Variants in ZNF704 observed in about 807,000 individuals in gnomAD.
ZNF704 encodes the protein glucocorticoid induced gene 1.
Under a neutral mutation model 44.7 loss-of-function variants are expected in ZNF704, and 10 were observed. The observed-to-expected ratio is 0.22, with a 90% CI of 0.14 to 0.38. The LOEUF is 0.38. ZNF704 is among the 10% of genes least tolerant of loss of function. The pLI is 1.00. For missense variants in ZNF704, 390 were observed against 545.5 expected (o/e 0.71, Z 2.84); for synonymous variants, 211 against 207.6 (o/e 1.02, Z -0.14).
chr8:80,882,189 G>T, the ZNF704 span, among the ~76,000 whole-genome samples: 8 of 152,198 alleles, frequency 5.3e-5, no homozygotes, highest in Non-Finnish European at 1.0e-4. Flanking sequence ...TGATACGTTT[G>T]ACTAGACGGC....
chr8:80,652,969 C>T (rs1817947643), intron 7 of ZNF704, among the ~76,000 whole-genome samples: 1 of 152,176 alleles, frequency 6.6e-6, no homozygotes, highest in South Asian at 2.1e-4. Flanking sequence ...GCTTATCCAC[C>T]ATGATCAAGT....
At chr8:80,861,979 G>GA (rs1403760430) in intron 1 of ZNF704, among the ~76,000 whole-genome samples, 2 of 98,320 alleles carry the variant, frequency 2.0e-5, no homozygotes, top group Non-Finnish European at 2.1e-5. Flanking sequence ...GAACAAGATA[G>GA]AAAAAAATAA....
chr8:80,813,542 C>A (rs1808124773), intron 2 of ZNF704, among the ~76,000 whole-genome samples: 1 of 152,070 alleles, frequency 6.6e-6, no homozygotes, highest in South Asian at 2.1e-4. Flanking sequence ...ACTACATGGG[C>A]CAAATTTGTG....
At position 80,636,620 on chromosome 8, in the gene ZNF704, T is replaced by A. The variant is rs367653140; in HGVS notation, c.*4746A>T. The A allele has an allele frequency of 2.2e-4, 33 of 152,366 alleles. No homozygotes were observed. Among genetic ancestry groups the A allele is most frequent in the African/African-American group, 7.9e-4 (33 of 41,594 alleles). 9.4% of individuals were successfully genotyped at this position (152,366 alleles called of 1,614,324 possible). ...AGGTATGAGGAACAGGAACAGTCCG[T>A]GCCGCTGGTAGGGCTACTTTCTTAG... is the stretch of plus-strand genomic sequence containing the variant. On this transcript the variant is annotated 3_prime_UTR_variant, in exon 9 of 9. Transcript: ENST00000327835.
chr8:80,716,119 T>C (rs73693870), intron 2 of ZNF704, among the ~76,000 whole-genome samples: 11,253 of 151,596 alleles, frequency 0.074, 1,399 homozygotes, highest in African/African-American at 0.26. Context: ...GATTTAGAGA[T>C]GAACAGATGG....
intron 2 of ZNF704, among the ~76,000 whole-genome samples, chr8:80,718,055 C>A (rs1278206573): frequency 1.3e-5 from 2 of 152,204 alleles, no homozygotes; most frequent in Non-Finnish European, 2.9e-5. Flanking sequence ...GTGCCTTCCT[C>A]GTTTTTGTCT....
intron 7 of ZNF704, among the ~76,000 whole-genome samples, chr8:80,653,023 T>C (rs1249520055): frequency 6.6e-6 from 1 of 152,048 alleles, no homozygotes; most frequent in Admixed American, 6.6e-5. Flanking sequence ...CATACACAAA[T>C]CAATAAACGT....
At chr8:80,793,396 A>C (rs1252578518) in intron 2 of ZNF704, among the ~76,000 whole-genome samples, 3 of 152,326 alleles carry the variant, frequency 2.0e-5, no homozygotes, top group African/African-American at 7.2e-5. Flanking sequence ...AAACCCCAAA[A>C]AAGTGGCACA....
At chr8:80,761,744 G>C (rs1207965247) in intron 2 of ZNF704, among the ~76,000 whole-genome samples, 1 of 152,140 alleles carries the variant, frequency 6.6e-6, no homozygotes, top group African/African-American at 2.4e-5. Flanking sequence ...TACTAACAAT[G>C]GTCACATGGG....
At chr8:80,711,419 G>A (rs1818983999) in intron 2 of ZNF704, among the ~76,000 whole-genome samples, 1 of 152,060 alleles carries the variant, frequency 6.6e-6, no homozygotes, top group African/African-American at 2.4e-5. Context: ...GGAGGTCAGG[G>A]GTAAACTCTG....
Position 80,659,571 on chromosome 8 carries a change from G to A in ZNF704, c.1032+14C>T, listed in dbSNP as rs751135837. The A allele has an allele frequency of 6.8e-6, 11 of 1,612,492 alleles. No homozygotes were observed. Among genetic ancestry groups the A allele is most frequent in the East Asian group, 4.5e-5 (2 of 44,838 alleles). ...CTTTGACCAGATTTTTGGCTTTTTC[G>A]TTTTTCTACTTACTGGGATGCCTGT... On this transcript the variant is annotated intron_variant, in intron 7 of 8. Transcript: ENST00000327835.
rs1454574638 is a variant in ZNF704, at chr8:80,629,681, A to C, written c.*11685T>G. 2 of 152,242 alleles carry C rather than the reference A, an allele frequency of 1.3e-5. No individual in the cohort carries two copies. Among genetic ancestry groups the C allele is most frequent in the East Asian group, 3.8e-4 (2 of 5,202 alleles). 9.4% of individuals were successfully genotyped at this position (152,242 alleles called of 1,614,324 possible). The stretch of plus-strand genomic sequence containing the variant: ...TTCCAAAATATAAGTAATTTTGAAA[A>C]AAGATCAATGATTTGCTTTGCTGGA... On this transcript the variant is annotated 3_prime_UTR_variant, in exon 9 of 9. Coordinates refer to ENST00000327835, the MANE Select transcript of ZNF704 (RefSeq NM_001033723.3).
chr8:80,855,505 A>G (rs1390161181), intron 1 of ZNF704, among the ~76,000 whole-genome samples: 2 of 152,156 alleles, frequency 1.3e-5, no homozygotes, highest in Non-Finnish European at 2.9e-5. Context: ...ATCATAAGTG[A>G]AACAGGTCAG....
At chr8:80,733,762 C>CT (rs886820334) in intron 2 of ZNF704, among the ~76,000 whole-genome samples, 11 of 152,204 alleles carry the variant, frequency 7.2e-5, no homozygotes, top group African/African-American at 2.7e-4. Context: ...ATTCACCTCT[C>CT]TATTTCTTAC....
intron 2 of ZNF704, among the ~76,000 whole-genome samples, chr8:80,734,823 G>C (rs797008202): frequency 6.6e-6 from 1 of 152,254 alleles, no homozygotes; most frequent in African/African-American, 2.4e-5. Context: ...TCTATTTATG[G>C]CTGTCTGCCA....
Position 80,799,516 on chromosome 8 carries a change from G to A in ZNF704, c.221+21858C>T, listed in dbSNP as rs77733269. Among the ~76,000 whole-genome samples the A allele has an allele frequency of 1.5e-4, 23 of 152,232 alleles. No individual in the cohort carries two copies. In the East Asian group the frequency reaches 3.9e-3, roughly 26 times the overall value. On this transcript the variant is annotated intron_variant, in intron 2 of 8. Transcript: ENST00000327835. ...GGTACCTCCAGGTACAGGAAAAACTGAGGCAGCTAGGGTTTGGAGCAGACC... is the reference window on the plus strand; with the variant it reads ...GGTACCTCCAGGTACAGGAAAAACTAAGGCAGCTAGGGTTTGGAGCAGACC...
intron 4 of ZNF704, among the ~76,000 whole-genome samples, chr8:80,686,368 T>C (rs1482280115): frequency 6.6e-6 from 1 of 152,182 alleles, no homozygotes; most frequent in East Asian, 1.9e-4. Context: ...AGATGTCTTT[T>C]TTTTCTTCTA....
chr8:80,744,405 TAACTC>T (rs1449856705), intron 2 of ZNF704, among the ~76,000 whole-genome samples: 1 of 152,124 alleles, frequency 6.6e-6, no homozygotes, highest in Non-Finnish European at 1.5e-5. Context: ...TATTTGAAAA[TAACTC>T]AATTACATGA....
chr8:80,848,237 G>A (rs561594655), intron 1 of ZNF704, among the ~76,000 whole-genome samples: 12 of 152,300 alleles, frequency 7.9e-5, no homozygotes, highest in South Asian at 2.1e-4. Context: ...GGTTAGGAAC[G>A]GCGGAGAGGC....
Sources: allele counts gnomAD v4.1 joint callset (sites outside exome capture counted in the v4.1 genomes callset), GRCh38; gene constraint gnomAD v4.1.1; transcripts MANE v1.5; gene names NCBI Gene and HGNC (gene_info 2026-07-23, HGNC 2026-07-21).